The following PIP5K1B variants were observed in gnomAD, a reference collection of about 807,000 sequenced individuals.
PIP5K1B encodes the protein phosphatidylinositol 4-phosphate 5-kinase type-1 beta.
Under a neutral mutation model 67.0 loss-of-function variants are expected in PIP5K1B, and 42 were observed. The ratio of observed to expected loss-of-function variants is 0.63; its 90% confidence interval spans 0.49 to 0.81. The LOEUF (loss-of-function observed/expected upper bound fraction) is 0.81, where lower values mean the gene tolerates loss of function less well. PIP5K1B is among the 30% of genes least tolerant of loss of function. The pLI is 0.00. For missense variants in PIP5K1B, 459 were observed against 646.3 expected (o/e 0.71, Z 3.14); for synonymous variants, 214 against 231.4 (o/e 0.92, Z 0.68).
At chr9:68,828,103 CA>C (rs1834081417) in intron 4 of PIP5K1B, among the ~76,000 whole-genome samples, 1 of 152,234 alleles carries the variant, frequency 6.6e-6, no homozygotes, top group Admixed American at 6.5e-5. Context: ...TGTTTCCCAA[CA>C]CCAGGGCCTT....
intron 4 of PIP5K1B, among the ~76,000 whole-genome samples, chr9:68,829,152 T>G (rs1227131500): frequency 6.6e-6 from 1 of 152,182 alleles, no homozygotes; most frequent in African/African-American, 2.4e-5. Flanking sequence ...TTTTGAACTA[T>G]GTGAAGGTAA....
At chr9:68,998,015 G>T in intron 15 of PIP5K1B, among the ~76,000 whole-genome samples, 1 of 149,406 alleles carries the variant, frequency 6.7e-6, no homozygotes, top group African/African-American at 2.5e-5. Context: ...AGTGAATCTT[G>T]GCTTGCAGGC....
intron 2 of PIP5K1B, among the ~76,000 whole-genome samples, chr9:68,792,483 T>C (rs1295864149): frequency 6.6e-6 from 1 of 152,080 alleles, no homozygotes; most frequent in Non-Finnish European, 1.5e-5. Context: ...TTTGTTTGTT[T>C]GTTTGTTTGT....
intron 14 of PIP5K1B, among the ~76,000 whole-genome samples, chr9:68,965,072 T>A (rs1828947616): frequency 6.6e-6 from 1 of 152,220 alleles, no homozygotes; most frequent in African/African-American, 2.4e-5. Context: ...CTTGGACAGG[T>A]AACCTAGCAT....
chr9:68,834,712 C>T (rs545544243), intron 4 of PIP5K1B, among the ~76,000 whole-genome samples: 1 of 152,284 alleles, frequency 6.6e-6, no homozygotes, highest in South Asian at 2.1e-4. Context: ...AGAATTTGTA[C>T]TGTGGATGTT....
At chr9:68,740,372 T>G (rs1828944985) in intron 1 of PIP5K1B, among the ~76,000 whole-genome samples, 1 of 152,238 alleles carries the variant, frequency 6.6e-6, no homozygotes, top group Non-Finnish European at 1.5e-5. Flanking sequence ...GTTAAGTAGT[T>G]CTAATACAGT....
At chr9:68,997,196 G>GA (rs1830635587) in intron 15 of PIP5K1B, among the ~76,000 whole-genome samples, 1 of 152,148 alleles carries the variant, frequency 6.6e-6, no homozygotes, top group African/African-American at 2.4e-5. Flanking sequence ...ATTATGTATG[G>GA]AAAAAGCGTG....
intron 12 of PIP5K1B, among the ~76,000 whole-genome samples, chr9:68,930,756 C>CTAATAA (rs145696886): frequency 2.9e-3 from 430 of 150,742 alleles, no homozygotes; most frequent in Non-Finnish European, 4.4e-3. Flanking sequence ...CCCTTCCATG[C>CTAATAA]TAATAATAAT....
At chr9:68,801,678 G>GAATCTCATCAAA (rs1353994078) in intron 2 of PIP5K1B, among the ~76,000 whole-genome samples, 2 of 152,290 alleles carry the variant, frequency 1.3e-5, no homozygotes, top group East Asian at 3.9e-4. Flanking sequence ...AAGAGATAAG[G>GAATCTCATCAAA]GAAAGTCCGG....
At chr9:68,846,471 G>A (rs995439540) in intron 4 of PIP5K1B, among the ~76,000 whole-genome samples, 17 of 152,148 alleles carry the variant, frequency 1.1e-4, no homozygotes, top group African/African-American at 3.6e-4. Context: ...ATCCCTTCTT[G>A]ATGTCATTCC....
chr9:68,746,604 C>T (rs1281370140), intron 2 of PIP5K1B, among the ~76,000 whole-genome samples: 1 of 152,118 alleles, frequency 6.6e-6, no homozygotes, highest in Non-Finnish European at 1.5e-5. Flanking sequence ...GGAGAGTTAG[C>T]TGTGAGATAA....
intron 4 of PIP5K1B, among the ~76,000 whole-genome samples, chr9:68,853,289 G>C (rs1822588139): frequency 6.6e-6 from 1 of 152,164 alleles, no homozygotes; most frequent in Admixed American, 6.5e-5. Flanking sequence ...TAGAACTTGG[G>C]GAAGGAGGTG....
intron 14 of PIP5K1B, 110 bp downstream of exon 14, chr9:68,940,900 T>A: frequency 1.0e-6 from 1 of 963,358 alleles, no homozygotes. Context: ...GATGTGCCTG[T>A]CATCTGCCTC....
intron 14 of PIP5K1B, among the ~76,000 whole-genome samples, chr9:68,943,035 A>G (rs899340557): frequency 6.6e-6 from 1 of 152,240 alleles, no homozygotes; most frequent in African/African-American, 2.4e-5. Flanking sequence ...GTGCCTGCCA[A>G]TGAGATGCAA....
intron 12 of PIP5K1B, among the ~76,000 whole-genome samples, chr9:68,928,903 G>A (rs746041849): frequency 3.3e-5 from 5 of 152,064 alleles, no homozygotes; most frequent in Admixed American, 2.6e-4. Flanking sequence ...GGTGGCTCAC[G>A]CCTATAATCC....
chr9:68,884,910 A>G (rs1824391468), intron 6 of PIP5K1B, among the ~76,000 whole-genome samples: 1 of 152,194 alleles, frequency 6.6e-6, no homozygotes, highest in African/African-American at 2.4e-5. Flanking sequence ...AGGTTCCTCA[A>G]ATAGCTAAAA....
At chr9:68,906,724 C>G (rs568607365) in intron 8 of PIP5K1B, among the ~76,000 whole-genome samples, 2 of 152,290 alleles carry the variant, frequency 1.3e-5, no homozygotes, top group African/African-American at 4.8e-5. Flanking sequence ...ACACAAAGAC[C>G]TCATTTGTAA....
intron 2 of PIP5K1B, among the ~76,000 whole-genome samples, chr9:68,770,925 A>G (rs907934220): frequency 2.0e-5 from 3 of 152,238 alleles, no homozygotes; most frequent in African/African-American, 7.2e-5. Flanking sequence ...TATATATGAC[A>G]GTCTGGAAAT....
chr9:68,923,267 G>A (rs367988636), intron 11 of PIP5K1B, 35 bp from the exon 12 acceptor site: 259 of 1,141,032 alleles, frequency 2.3e-4, no homozygotes, highest in Non-Finnish European at 3.2e-4. Flanking sequence ...AACATTAAGA[G>A]GTGACCCTGT....
Sources: allele counts gnomAD v4.1 joint callset (sites outside exome capture counted in the v4.1 genomes callset), GRCh38; gene constraint gnomAD v4.1.1; transcripts MANE v1.5; gene names NCBI Gene and HGNC (gene_info 2026-07-23, HGNC 2026-07-21).